RAB2A: variants seen among roughly 807,000 people sequenced by gnomAD.
The protein encoded by RAB2A is ras-related protein Rab-2A.
In RAB2A, 7 loss-of-function variants were observed where a neutral mutation model predicts 32.5. That is an observed-to-expected ratio of 0.22 (90% CI 0.12 to 0.40). The LOEUF (loss-of-function observed/expected upper bound fraction) is 0.40. Ranked by LOEUF, RAB2A falls within the 10% of genes least tolerant of loss-of-function variation. The probability of loss-of-function intolerance (pLI) is 1.00; values close to 1 mark genes in which losing one functional copy is unlikely to be tolerated. For synonymous variants in RAB2A, 79 were observed against 85.2 expected, an observed-to-expected ratio of 0.93 and a Z score of 0.40; for missense variants, 108 against 260.7, an observed-to-expected ratio of 0.41 and a Z score of 4.03.
chr8:60,602,942 C>T (rs1804160132), intron 6 of RAB2A, among the ~76,000 whole-genome samples: 1 of 152,158 alleles, frequency 6.6e-6, no homozygotes, highest in South Asian at 2.1e-4. Context: ...TGGGCTCAGA[C>T]AGGATCTATC....
At chr8:60,603,763 G>A (rs1004064312) in intron 6 of RAB2A, among the ~76,000 whole-genome samples, 8 of 152,176 alleles carry the variant, frequency 5.3e-5, no homozygotes, top group Admixed American at 5.2e-4. Context: ...GCTTATGCCT[G>A]TAATCCTGGT....
At chr8:60,609,145 A>G (rs543764934) in intron 6 of RAB2A, among the ~76,000 whole-genome samples, 1 of 152,196 alleles carries the variant, frequency 6.6e-6, no homozygotes, top group South Asian at 2.1e-4. Context: ...CCCTCACACC[A>G]TATGCTCTCC....
At chr8:60,532,226 A>G (rs771781406) in intron 1 of RAB2A, among the ~76,000 whole-genome samples, 5 of 152,350 alleles carry the variant, frequency 3.3e-5, no homozygotes, top group Middle Eastern at 3.4e-3. Context: ...TTTGATATAA[A>G]TAAATCTGTT....
chr8:60,584,497 C>A (rs1216232254), intron 4 of RAB2A, among the ~76,000 whole-genome samples: 1 of 152,122 alleles, frequency 6.6e-6, no homozygotes, highest in African/African-American at 2.4e-5. Flanking sequence ...AAATTGAAAT[C>A]GGCCATATTA....
chr8:60,548,713 C>T (rs1370600156), intron 1 of RAB2A, among the ~76,000 whole-genome samples: 1 of 129,690 alleles, frequency 7.7e-6, no homozygotes, highest in Non-Finnish European at 1.6e-5. Context: ...CCAGTAGGGG[C>T]AGCCGGGCAG....
At chr8:60,609,960 CAAAAAA>C (rs5891772) in intron 6 of RAB2A, among the ~76,000 whole-genome samples, 1 of 80,610 alleles carries the variant, frequency 1.2e-5, no homozygotes, top group East Asian at 3.4e-4. Flanking sequence ...CCCTGTGTCT[CAAAAAA>C]AAAAAAAAAA....
At chr8:60,538,903 A>G (rs572849320) in intron 1 of RAB2A, among the ~76,000 whole-genome samples, 2 of 152,342 alleles carry the variant, frequency 1.3e-5, no homozygotes, top group East Asian at 3.9e-4. Flanking sequence ...AAGGAAAATA[A>G]CACTTAAGTT....
intron 6 of RAB2A, among the ~76,000 whole-genome samples, chr8:60,604,119 A>C (rs1804184394): frequency 6.6e-6 from 1 of 152,116 alleles, no homozygotes; most frequent in Admixed American, 6.6e-5. Flanking sequence ...CTGATTGTTT[A>C]AAAGCATGTA....
At chr8:60,598,420 A>G (rs1414567809) in intron 6 of RAB2A, among the ~76,000 whole-genome samples, 2 of 152,224 alleles carry the variant, frequency 1.3e-5, no homozygotes, top group African/African-American at 2.4e-5. Flanking sequence ...CTCTGACACT[A>G]AAACCAAAGA....
At chr8:60,580,933 C>G (rs1206798609) in intron 3 of RAB2A, among the ~76,000 whole-genome samples, 1 of 152,130 alleles carries the variant, frequency 6.6e-6, no homozygotes, top group Non-Finnish European at 1.5e-5. Flanking sequence ...GGACTTTTAC[C>G]TTTGCTTGAT....
intron 1 of RAB2A, among the ~76,000 whole-genome samples, chr8:60,533,800 A>G (rs943368313): frequency 1.3e-5 from 2 of 152,110 alleles, no homozygotes; most frequent in Non-Finnish European, 2.9e-5. Context: ...GCGAAATTCC[A>G]TCTCTACTAA....
chr8:60,539,795 C>T (rs1288022217), intron 1 of RAB2A, among the ~76,000 whole-genome samples: 1 of 152,044 alleles, frequency 6.6e-6, no homozygotes, highest in Non-Finnish European at 1.5e-5. Context: ...TGAACTGGTT[C>T]TGACAAGTAG....
rs1030968621 is a variant in RAB2A at position 60,558,321 on chromosome 8, T to TA, written c.47-529dup. 37 of 446,032 alleles carry TA rather than the reference T, an allele frequency of 8.3e-5. No individual in the cohort carries two copies. In the Admixed American group the frequency reaches 8.4e-4, roughly 10 times the overall value. 27.6% of individuals were successfully genotyped at this position (446,032 alleles called of 1,614,324 possible). A position where few individuals can be genotyped will look rare whatever the true frequency, so the allele number is the denominator to read the frequency against. ...GAAATGTGGGAGTCATTCATGACCG[T>TA]AACGGGGTCAATTTTAATAGAGTGA... is the stretch of plus-strand genomic sequence containing the variant. On this transcript the variant is annotated intron_variant, in intron 1 of 7. Transcript: ENST00000262646.
intron 6 of RAB2A, among the ~76,000 whole-genome samples, chr8:60,605,840 C>CATATATATATATATATATAT (rs1003742324): frequency 7.3e-6 from 1 of 136,770 alleles, no homozygotes; most frequent in African/African-American, 3.2e-5. Context: ...TACATATATA[C>CATATATATATATATATATAT]ATATATATAT....
chr8:60,596,002 A>G (rs1039816636), intron 6 of RAB2A, among the ~76,000 whole-genome samples: 2 of 152,248 alleles, frequency 1.3e-5, no homozygotes, highest in African/African-American at 4.8e-5. Flanking sequence ...TTGAATTACA[A>G]AAAACACATT....
intron 3 of RAB2A, among the ~76,000 whole-genome samples, chr8:60,581,795 C>T (rs896666024): frequency 2.6e-5 from 4 of 151,994 alleles, no homozygotes; most frequent in African/African-American, 9.7e-5. Context: ...TTGCTTAAAG[C>T]TCAGTAGTTT....
At chr8:60,606,567 C>T (rs1433461905) in intron 6 of RAB2A, among the ~76,000 whole-genome samples, 1 of 152,188 alleles carries the variant, frequency 6.6e-6, no homozygotes, top group Non-Finnish European at 1.5e-5. Context: ...CCCTAGTCTT[C>T]CTAAACTAGG....
At chr8:60,521,114 C>T (rs1424565064) in intron 1 of RAB2A, among the ~76,000 whole-genome samples, 1 of 152,210 alleles carries the variant, frequency 6.6e-6, no homozygotes, top group Non-Finnish European at 1.5e-5. Context: ...AGCTCTCAGC[C>T]CCACTTGCAT....
intron 1 of RAB2A, among the ~76,000 whole-genome samples, chr8:60,527,952 A>T (rs569013976): frequency 1.3e-4 from 20 of 152,226 alleles, no homozygotes; most frequent in Non-Finnish European, 2.5e-4. Context: ...TGGTTATCAC[A>T]TACAGTCTTT....
Sources: gnomAD v4.1 joint callset for allele counts (sites outside exome capture counted in the v4.1 genomes callset) on GRCh38, gnomAD v4.1.1 for gene constraint, MANE v1.5 for transcripts, NCBI Gene and HGNC (gene_info 2026-07-23, HGNC 2026-07-21) for gene names.